FBXL5: variants seen among roughly 807,000 people sequenced by gnomAD.
FBXL5 encodes the protein F-box/LRR-repeat protein 5.
In FBXL5, 26 loss-of-function variants were observed where a neutral mutation model predicts 78.3. The observed-to-expected ratio is 0.33, with a 90% CI of 0.24 to 0.46. The LOEUF (loss-of-function observed/expected upper bound fraction) is 0.46, where lower values mean the gene tolerates loss of function less well. FBXL5 is among the 20% of genes least tolerant of loss of function. The pLI is 1.00. For synonymous variants in FBXL5, 295 were observed against 282.5 expected (o/e 1.04, Z -0.45); for missense variants, 710 against 829.2 (o/e 0.86, Z 1.77).
At chr4:15,674,282 T>G (rs1717884440) in intron 1 of FBXL5, among the ~76,000 whole-genome samples, 1 of 152,070 alleles carries the variant, frequency 6.6e-6, no homozygotes, top group Admixed American at 6.6e-5. Flanking sequence ...GATTGTTCAT[T>G]GCTAAGTGGC....
intron 9 of FBXL5, among the ~76,000 whole-genome samples, chr4:15,622,627 G>C (rs777165121): frequency 3.9e-5 from 6 of 151,962 alleles, no homozygotes; most frequent in Non-Finnish European, 8.8e-5. Flanking sequence ...TCTACCATTA[G>C]ATTACAAACT....
At chr4:15,667,153 T>C (rs1043830815) in intron 1 of FBXL5, among the ~76,000 whole-genome samples, 2 of 152,186 alleles carry the variant, frequency 1.3e-5, no homozygotes, top group African/African-American at 2.4e-5. Flanking sequence ...CATGGGACAG[T>C]GCAAAGGGCA....
intron 1 of FBXL5, among the ~76,000 whole-genome samples, chr4:15,649,625 T>C (rs1715727824): frequency 6.8e-6 from 1 of 147,086 alleles, no homozygotes; most frequent in Non-Finnish European, 1.5e-5. Context: ...AAACAGAATA[T>C]ACACAATTTA....
At position 15,605,646 on chromosome 4, in the gene FBXL5, G is replaced by T; in HGVS notation, c.*77C>A. The T allele has an allele frequency of 8.0e-7, 1 of 1,250,340 alleles. No homozygotes were observed. The highest frequency in any genetic ancestry group is 1.2e-6 in the Non-Finnish European group (1 of 865,980). The allele number at this position is 1,250,340 out of a possible 1,614,324, so 77.5% of individuals were successfully genotyped here. A position where few individuals can be genotyped will look rare whatever the true frequency, so the allele number is the denominator to read the frequency against. ...GCTCAAAAAGGGATGGTTAACACAA[G>T]AAATGTGCTATGAGTAAAGTGCATG... is the stretch of plus-strand genomic sequence containing the variant. On this transcript the variant is annotated 3_prime_UTR_variant, in exon 11 of 11. Transcript: ENST00000341285.
intron 10 of FBXL5, among the ~76,000 whole-genome samples, chr4:15,606,868 C>A (rs1351405947): frequency 2.6e-5 from 4 of 152,152 alleles, no homozygotes; most frequent in African/African-American, 9.7e-5. Flanking sequence ...TTTAAATTTA[C>A]TTTTTATTTT....
intron 3 of FBXL5, among the ~76,000 whole-genome samples, chr4:15,639,727 A>G (rs895983594): frequency 2.0e-5 from 3 of 152,210 alleles, no homozygotes; most frequent in African/African-American, 7.2e-5. Flanking sequence ...GGGCCCTGAA[A>G]AAATACCCAG....
Position 15,630,810 on chromosome 4 carries a change from A to C in FBXL5, c.767-19T>G, listed in dbSNP as rs1419154342. 2.5e-6 allele frequency: 4 copies of C among 1,602,546 alleles called. No homozygotes were observed. Among genetic ancestry groups the C allele is most frequent in the South Asian group, 1.1e-5 (1 of 90,700 alleles). ...CAGTCACCTACTCAATGAATAAACA[A>C]GTAAAAGGTTCAAAATAATATCAGA... On this transcript the variant is annotated intron_variant, in intron 5 of 10. Transcript: ENST00000341285.
intron 10 of FBXL5, 130 bp from the exon 11 acceptor site, chr4:15,605,929 G>T: frequency 1.5e-6 from 1 of 670,542 alleles, no homozygotes; most frequent in Non-Finnish European, 2.7e-6. Flanking sequence ...TAAATCTCAT[G>T]ATAAGTGTAT....
At position 15,604,792 on chromosome 4, in the gene FBXL5, CAAAGCAAAGTAGATAT is replaced by C. The variant is rs1721774385; in HGVS notation, c.*915_*930del. The C allele has an allele frequency of 6.6e-6, 1 of 152,136 alleles. No homozygotes were observed. Among genetic ancestry groups the C allele is most frequent in the African/African-American group, 2.4e-5 (1 of 41,418 alleles). The allele number at this position is 152,136 out of a possible 1,614,324, so 9.4% of individuals were successfully genotyped here. ...GGCCTCCACTCTCATGATGTTTTAA[CAAAGCAAAGTAGATAT>C]ACTTACGGATTCAAATTTTGACTAC... On this transcript the variant is annotated 3_prime_UTR_variant, in exon 11 of 11. Coordinates refer to ENST00000341285, the MANE Select transcript of FBXL5 (RefSeq NM_012161.4).
upstream of FBXL5, among the ~76,000 whole-genome samples, chr4:15,660,097 T>A (rs1022164742): frequency 3.3e-5 from 5 of 151,592 alleles, no homozygotes; most frequent in Admixed American, 6.6e-5. Context: ...TTTTTTTTTT[T>A]AAAGAGGGTT....
At chr4:15,622,938 A>G (rs1165670455) in intron 9 of FBXL5, among the ~76,000 whole-genome samples, 2 of 152,210 alleles carry the variant, frequency 1.3e-5, no homozygotes, top group South Asian at 2.1e-4. Flanking sequence ...ACCCTAAAGA[A>G]TAAGTGCAAC....
chr4:15,648,308 T>G (rs537294535), intron 1 of FBXL5, among the ~76,000 whole-genome samples: 1 of 152,338 alleles, frequency 6.6e-6, no homozygotes, highest in Admixed American at 6.5e-5. Flanking sequence ...ACAGCCATTA[T>G]GGAAAACAGT....
At chr4:15,634,798 C>T (rs1166354993) in intron 5 of FBXL5, among the ~76,000 whole-genome samples, 2 of 152,088 alleles carry the variant, frequency 1.3e-5, no homozygotes, top group Non-Finnish European at 2.9e-5. Flanking sequence ...GAAAGCACAG[C>T]ATTATCACAT....
rs746930060 is a variant in FBXL5, at chr4:15,612,430, T to A, written c.1851-16A>T. 13 of 1,590,860 alleles carry A rather than the reference T, an allele frequency of 8.2e-6. No individual in the cohort carries two copies. The Admixed American group carries it at 2.3e-4, about 28-fold the overall frequency. On this transcript the variant is annotated splice_polypyrimidine_tract_variant and intron_variant, in intron 9 of 10. Transcript: ENST00000341285. The stretch of plus-strand genomic sequence containing the variant: ...AGTCAAAACCCTGTAAGAAAAATAA[T>A]TTGACAATTAGAAGATACTAATCTA...
At position 15,638,531 on chromosome 4, in the gene FBXL5, G is replaced by A; in HGVS notation, c.560C>T (p.Ser187Phe). ...ACCTTTATCTGACTTTTCATCCACG[G>A]AATATTTAAAAAACTTCTGTCGCTC... Reference protein sequence around the residue: ...AEERQKFFKYSVDEKSDKEAE... With the variant: ...AEERQKFFKYFVDEKSDKEAE... Residue 187 changes from serine (S) to phenylalanine (F), a missense_variant, in exon 4 of 11, where the codon TCC (serine) becomes TTC (phenylalanine). Physicochemically the swap from Ser to Phe is radical, Grantham distance 155 (BLOSUM62 -2). Around this residue, in one of 4 missense-constraint regions of FBXL5, gnomAD observed 517 missense variants for 542.9 expected, o/e 0.95. Coordinates refer to ENST00000341285, the MANE Select transcript of FBXL5 (RefSeq NM_012161.4). 1 of 1,594,482 alleles carries A rather than the reference G, an allele frequency of 6.3e-7. No homozygotes were observed. The highest frequency in any genetic ancestry group is 1.1e-5 in the South Asian group (1 of 86,978).
Position 15,612,341 on chromosome 4 carries a change from C to T in FBXL5, c.1924G>A (p.Ala642Thr). The stretch of plus-strand genomic sequence containing the variant: ...GCTGAAACCAAATCCTGCAGGCCTG[C>T]ACCAGTTATAGTAAGACAACCAGAG... ...NLSGCLTITG[A>T]GLQDLVSACP... Residue 642 changes from alanine to threonine, a missense_variant, in exon 10 of 11, where the codon GCA (alanine) becomes ACA (threonine). Ala to Thr is a moderately conservative substitution (Grantham distance 58). Transcript: ENST00000341285. 6.2e-7 allele frequency: 1 copy of T among 1,612,862 alleles called. No individual in the cohort carries two copies. Among genetic ancestry groups the T allele is most frequent in the East Asian group, 2.2e-5 (1 of 44,832 alleles).
intron 7 of FBXL5, 111 bp downstream of exon 7, chr4:15,627,774 C>A: frequency 1.0e-6 from 1 of 974,028 alleles, no homozygotes; most frequent in Non-Finnish European, 1.5e-6. Flanking sequence ...GGAAGGCACT[C>A]AATAATCATT....
intron 1 of FBXL5, among the ~76,000 whole-genome samples, chr4:15,672,141 C>A (rs190387141): frequency 1.3e-5 from 2 of 152,290 alleles, no homozygotes; most frequent in East Asian, 3.9e-4. Context: ...GCTTTCAGGC[C>A]TTGCTTTAAA....
At position 15,623,835 on chromosome 4, in the gene FBXL5, T is replaced by C. The variant is rs576196743; in HGVS notation, c.1850+1417A>G. On this transcript the variant is annotated intron_variant, in intron 9 of 10. Coordinates refer to ENST00000341285, the MANE Select transcript of FBXL5 (RefSeq NM_012161.4). The stretch of plus-strand genomic sequence containing the variant: ...AAAAAATTTTACAATAGTTTTTTTT[T>C]TTTTTGAGACGGAATTTCGCTCTGT... Among the ~76,000 whole-genome samples, 6 of 152,134 alleles carry C rather than the reference T, an allele frequency of 3.9e-5. No individual in the cohort carries two copies. The South Asian group carries it at 1.2e-3, about 32-fold the overall frequency.
Sources: allele counts gnomAD v4.1 joint callset (sites outside exome capture counted in the v4.1 genomes callset), GRCh38; gene constraint gnomAD v4.1.1; regional missense constraint gnomAD v4.1.1; transcripts MANE v1.5; gene names NCBI Gene and HGNC (gene_info 2026-07-23, HGNC 2026-07-21).